The following ADGRB3 variants were observed in gnomAD, a reference collection of about 807,000 sequenced individuals.
ADGRB3 encodes brain-specific angiogenesis inhibitor 3.
In ADGRB3, 37 loss-of-function variants were observed where a neutral mutation model predicts 193.4. The observed-to-expected ratio is 0.19, with a 90% CI of 0.15 to 0.25. The LOEUF (loss-of-function observed/expected upper bound fraction) is 0.25, where lower values mean the gene tolerates loss of function less well. Among genes scored for constraint, ADGRB3 ranks in the 10% least tolerant of loss-of-function variants. ADGRB3 has a pLI of 1.00. For synonymous variants in ADGRB3, 690 were observed against 644.2 expected, an observed-to-expected ratio of 1.07 and a Z score of -1.08; for missense variants, 1,637 against 1,852.9, an observed-to-expected ratio of 0.88 and a Z score of 2.14.
chr6:69,304,301 A>G (rs1768017162), intron 20 of ADGRB3, among the ~76,000 whole-genome samples: 1 of 151,742 alleles, frequency 6.6e-6, no homozygotes, highest in African/African-American at 2.4e-5. Context: ...CAGCCTTAGA[A>G]TTAAGACAAA....
chr6:69,309,184 T>A (rs1374361211), intron 20 of ADGRB3, among the ~76,000 whole-genome samples: 2 of 151,756 alleles, frequency 1.3e-5, no homozygotes, highest in Admixed American at 6.6e-5. Flanking sequence ...ATTTATTGGA[T>A]AAAACCTACA....
chr6:68,865,121 A>C (rs912631902), intron 3 of ADGRB3, among the ~76,000 whole-genome samples: 1 of 152,196 alleles, frequency 6.6e-6, no homozygotes, highest in Non-Finnish European at 1.5e-5. Flanking sequence ...AAAATATAAT[A>C]AAATAAATAC....
chr6:68,817,016 T>A (rs1767643326), intron 3 of ADGRB3, among the ~76,000 whole-genome samples: 1 of 151,890 alleles, frequency 6.6e-6, no homozygotes, highest in African/African-American at 2.4e-5. Context: ...CAACATTTGG[T>A]ATTTTTTATA....
chr6:68,666,318 G>A (rs1253083394), intron 3 of ADGRB3, among the ~76,000 whole-genome samples: 2 of 151,830 alleles, frequency 1.3e-5, no homozygotes, highest in East Asian at 1.9e-4. Context: ...GTGTGACCAC[G>A]GAAGGAATTT....
At chr6:69,033,196 G>T (rs1287104971) in intron 13 of ADGRB3, among the ~76,000 whole-genome samples, 7 of 152,062 alleles carry the variant, frequency 4.6e-5, no homozygotes, top group African/African-American at 1.7e-4. Context: ...TGTCTTCTGT[G>T]GTGTAATGGC....
At chr6:68,804,804 C>G (rs1469706762) in intron 3 of ADGRB3, among the ~76,000 whole-genome samples, 1 of 152,018 alleles carries the variant, frequency 6.6e-6, no homozygotes, top group African/African-American at 2.4e-5. Flanking sequence ...AGTTCTTCAA[C>G]ATTTATTTTA....
chr6:69,206,047 A>ATATATG (rs1561952231), intron 17 of ADGRB3, among the ~76,000 whole-genome samples: 1 of 51,658 alleles, frequency 1.9e-5, no homozygotes, highest in East Asian at 3.2e-4. Flanking sequence ...TAATAATGGT[A>ATATATG]TATATATATA....
intron 3 of ADGRB3, among the ~76,000 whole-genome samples, chr6:68,853,935 G>C: frequency 6.6e-6 from 1 of 152,212 alleles, no homozygotes; most frequent in Middle Eastern, 3.4e-3. Context: ...ATGCATGTGC[G>C]AAGGGAATTT....
At chr6:69,373,445 C>A (rs986538479) in intron 30 of ADGRB3, among the ~76,000 whole-genome samples, 2 of 151,994 alleles carry the variant, frequency 1.3e-5, no homozygotes, top group African/African-American at 2.4e-5. Flanking sequence ...ATAATTGGTT[C>A]TTTTCAGTAA....
chr6:69,287,829 T>C (rs1767584712), intron 20 of ADGRB3, among the ~76,000 whole-genome samples: 1 of 152,220 alleles, frequency 6.6e-6, no homozygotes, highest in Admixed American at 6.5e-5. Flanking sequence ...TTTGAATCTT[T>C]TCCATAACTG....
At chr6:68,903,256 AG>A (rs1477511498) in intron 3 of ADGRB3, among the ~76,000 whole-genome samples, 1 of 152,216 alleles carries the variant, frequency 6.6e-6, no homozygotes, top group African/African-American at 2.4e-5. Flanking sequence ...AATTATGAAT[AG>A]GAGATCATGC....
intron 20 of ADGRB3, among the ~76,000 whole-genome samples, chr6:69,242,106 G>C (rs1028903205): frequency 6.6e-5 from 10 of 151,808 alleles, no homozygotes; most frequent in Admixed American, 3.3e-4. Flanking sequence ...TTATATATGA[G>C]AATTTGGTAT....
chr6:68,929,717 CA>C (rs1182985288), intron 3 of ADGRB3, among the ~76,000 whole-genome samples: 2 of 152,070 alleles, frequency 1.3e-5, no homozygotes, highest in Non-Finnish European at 2.9e-5. Flanking sequence ...GTTCAATAAG[CA>C]CAGATCTCTT....
At chr6:69,210,371 TA>T (rs944600683) in intron 17 of ADGRB3, among the ~76,000 whole-genome samples, 41 of 151,654 alleles carry the variant, frequency 2.7e-4, no homozygotes, top group African/African-American at 9.5e-4. Context: ...TTTCTCTGCC[TA>T]CTTCATATTC....
At position 69,101,433 on chromosome 6, in the gene ADGRB3, C is replaced by CGTGTGTGTGTGTGTGTGTGT. The variant is rs59471051; in HGVS notation, c.2480+25404_2480+25423dup. Among the ~76,000 whole-genome samples, 416 of 145,388 alleles carry CGTGTGTGTGTGTGTGTGTGT rather than the reference C, an allele frequency of 2.9e-3. 4 individuals carry two copies. Among genetic ancestry groups the CGTGTGTGTGTGTGTGTGTGT allele is most frequent in the African/African-American group, 7.2e-3 (283 of 39,208 alleles). On this transcript the variant is annotated intron_variant, in intron 17 of 31. Transcript: ENST00000370598. The stretch of plus-strand genomic sequence containing the variant: ...TGCAAATATTAGATACAGTAAGTAT[C>CGTGTGTGTGTGTGTGTGTGT]GTGTGTGTGTGTGTGTGTGTGTGTG...
At chr6:69,239,102 T>C (rs1388206390) in intron 19 of ADGRB3, 22 bp from the exon 20 acceptor site, 12 of 1,438,970 alleles carry the variant, frequency 8.3e-6, no homozygotes, top group Non-Finnish European at 1.1e-5. Flanking sequence ...TAAAGTTGGG[T>C]AACTTTTCTC....
At chr6:69,158,175 C>T (rs962894395) in intron 17 of ADGRB3, among the ~76,000 whole-genome samples, 2 of 152,038 alleles carry the variant, frequency 1.3e-5, no homozygotes, top group Non-Finnish European at 2.9e-5. Flanking sequence ...TTCTCCCTAC[C>T]ATATTGTAAA....
At chr6:69,341,868 G>T (rs991493883) in intron 26 of ADGRB3, among the ~76,000 whole-genome samples, 1 of 152,074 alleles carries the variant, frequency 6.6e-6, no homozygotes, top group African/African-American at 2.4e-5. Context: ...GTTTTTAGAA[G>T]ATACTAATAC....
At chr6:69,290,877 A>G (rs969555052) in intron 20 of ADGRB3, among the ~76,000 whole-genome samples, 1 of 152,166 alleles carries the variant, frequency 6.6e-6, no homozygotes, top group African/African-American at 2.4e-5. Flanking sequence ...CCTTTACTCA[A>G]AATAAGTTTT....
Sources: allele counts gnomAD v4.1 joint callset (sites outside exome capture counted in the v4.1 genomes callset), GRCh38; gene constraint gnomAD v4.1.1; transcripts MANE v1.5; gene names NCBI Gene and HGNC (gene_info 2026-07-23, HGNC 2026-07-21).